SMYD3: variants seen among roughly 807,000 people sequenced by gnomAD.
SMYD3 encodes the protein histone-lysine N-methyltransferase SMYD3.
Under a neutral mutation model 57.7 loss-of-function variants are expected in SMYD3, and 36 were observed. That is an observed-to-expected ratio of 0.62 (90% CI 0.48 to 0.82). The LOEUF (loss-of-function observed/expected upper bound fraction) is 0.82, where lower values mean the gene tolerates loss of function less well. Among genes scored for constraint, SMYD3 ranks in the 40% least tolerant of loss-of-function variants. SMYD3 has a pLI of 0.00. For synonymous variants in SMYD3, 211 were observed against 195.0 expected (o/e 1.08, Z -0.68); for missense variants, 515 against 538.8 (o/e 0.96, Z 0.44).
intron 5 of SMYD3, among the ~76,000 whole-genome samples, chr1:246,065,108 C>CGG (rs1413933173): frequency 6.6e-5 from 10 of 152,254 alleles, no homozygotes; most frequent in African/African-American, 2.4e-4. Flanking sequence ...GAACACTGTC[C>CGG]CATTGTTTAG....
intron 5 of SMYD3, among the ~76,000 whole-genome samples, chr1:246,207,864 T>C (rs996535058): frequency 1.4e-5 from 2 of 147,706 alleles, no homozygotes; most frequent in African/African-American, 5.1e-5. Flanking sequence ...TTCACAGGAA[T>C]CACATTAATA....
At chr1:246,410,059 G>A (rs1482804372) in intron 1 of SMYD3, among the ~76,000 whole-genome samples, 1 of 151,942 alleles carries the variant, frequency 6.6e-6, no homozygotes, top group Non-Finnish European at 1.5e-5. Context: ...ATCAGCTTAA[G>A]GAGATTTTGG....
At chr1:246,470,883 T>C (rs991053716) in intron 1 of SMYD3, among the ~76,000 whole-genome samples, 3 of 152,160 alleles carry the variant, frequency 2.0e-5, no homozygotes, top group East Asian at 3.8e-4. Flanking sequence ...TATAAGAGAA[T>C]ATCCTTGTTC....
At chr1:245,977,977 G>T (rs187096946) in intron 5 of SMYD3, among the ~76,000 whole-genome samples, 1 of 152,226 alleles carries the variant, frequency 6.6e-6, no homozygotes, top group Non-Finnish European at 1.5e-5. Flanking sequence ...GCATATGGAG[G>T]CTAAGCCCCT....
At chr1:246,241,702 A>G (rs1347217179) in intron 5 of SMYD3, among the ~76,000 whole-genome samples, 4 of 151,384 alleles carry the variant, frequency 2.6e-5, no homozygotes, top group Admixed American at 2.0e-4. Flanking sequence ...GGTAGAATTC[A>G]GCTGTGAATC....
intron 5 of SMYD3, among the ~76,000 whole-genome samples, chr1:246,314,641 G>C (rs1388741301): frequency 1.3e-5 from 2 of 152,106 alleles, no homozygotes; most frequent in East Asian, 3.9e-4. Flanking sequence ...GAAAGTATGG[G>C]CCAAAAAATG....
At chr1:246,409,025 G>GT (rs11284988) in intron 1 of SMYD3, among the ~76,000 whole-genome samples, 6 of 151,450 alleles carry the variant, frequency 4.0e-5, no homozygotes, top group Middle Eastern at 3.4e-3. Flanking sequence ...TTTTTGATGG[G>GT]TTTTTTTTTC....
chr1:245,817,750 G>A (rs985489500), intron 10 of SMYD3, among the ~76,000 whole-genome samples: 8 of 152,168 alleles, frequency 5.3e-5, no homozygotes, highest in African/African-American at 1.9e-4. Context: ...TGTGAAGAAT[G>A]CAGAAGCCTC....
chr1:246,100,068 A>C (rs2060981902), intron 5 of SMYD3, among the ~76,000 whole-genome samples: 1 of 152,206 alleles, frequency 6.6e-6, no homozygotes, highest in Non-Finnish European at 1.5e-5. Context: ...TTGGGAAGAC[A>C]GGCATGATGG....
In SMYD3 at chr1:246,499,290, C is replaced by T. The variant is rs533847515; in HGVS notation, c.164+7764G>A. On this transcript the variant is annotated intron_variant, in intron 1 of 11. Transcript: ENST00000490107. ...CTGCACTCCAGCCTGGGCAACAAAG[C>T]GAGACTCTATCTCAAAAAAAGAAAA... Among the ~76,000 whole-genome samples, 6 of 151,290 alleles carry T rather than the reference C, an allele frequency of 4.0e-5. No individual in the cohort carries two copies. In the South Asian group the frequency reaches 1.3e-3, roughly 32 times the overall value.
rs181946167 is a variant in SMYD3, at chr1:246,477,445, C to T, written c.164+29609G>A. ...GAAAACCTAGAGAAACTACCTGAGA[C>T]AAGTTTAGAAGGGAAATATCATTTA... On this transcript the variant is annotated intron_variant, in intron 1 of 11. Coordinates refer to ENST00000490107, the MANE Select transcript of SMYD3 (RefSeq NM_001167740.2). Among the ~76,000 whole-genome samples the T allele has an allele frequency of 3.9e-5, 6 of 152,234 alleles. No homozygotes were observed. In the East Asian group the frequency reaches 9.7e-4, roughly 24 times the overall value.
At chr1:245,954,272 GT>G (rs563971752) in intron 5 of SMYD3, among the ~76,000 whole-genome samples, 75 of 152,332 alleles carry the variant, frequency 4.9e-4, no homozygotes, top group Non-Finnish European at 7.6e-4. Flanking sequence ...TTGGTAGCTA[GT>G]TTCCTGAGTC....
At chr1:245,908,708 C>A (rs1257836430) in intron 8 of SMYD3, among the ~76,000 whole-genome samples, 1 of 152,182 alleles carries the variant, frequency 6.6e-6, no homozygotes, top group Non-Finnish European at 1.5e-5. Flanking sequence ...GAAAATTAAA[C>A]ATGCTTCTTG....
chr1:245,804,483 G>A (rs1267005092), intron 10 of SMYD3, among the ~76,000 whole-genome samples: 1 of 152,080 alleles, frequency 6.6e-6, no homozygotes. Flanking sequence ...GCATGGACCT[G>A]GGAGGCGGAG....
intron 10 of SMYD3, among the ~76,000 whole-genome samples, chr1:245,805,337 G>A (rs2048101224): frequency 6.6e-6 from 1 of 152,174 alleles, no homozygotes; most frequent in Admixed American, 6.5e-5. Flanking sequence ...AATTGCACAA[G>A]CCAAGACCTA....
intron 5 of SMYD3, among the ~76,000 whole-genome samples, chr1:246,321,190 T>C (rs2065241608): frequency 1.3e-5 from 2 of 152,208 alleles, no homozygotes; most frequent in Admixed American, 1.3e-4. Context: ...TGAGCAACCA[T>C]CTGAGACTCT....
chr1:246,382,297 T>G (rs925280631), intron 1 of SMYD3, among the ~76,000 whole-genome samples: 1 of 151,970 alleles, frequency 6.6e-6, no homozygotes, highest in Non-Finnish European at 1.5e-5. Context: ...TCCAGCCCCA[T>G]GTCAGCCGCT....
At chr1:245,930,880 T>C (rs189215033) in intron 5 of SMYD3, 6 of 152,266 alleles carry the variant, frequency 3.9e-5, no homozygotes, top group East Asian at 3.9e-4. Flanking sequence ...GAAAGCTCTT[T>C]AGGATGAGTT....
intron 5 of SMYD3, among the ~76,000 whole-genome samples, chr1:246,124,378 T>G (rs2061473629): frequency 6.6e-6 from 1 of 152,202 alleles, no homozygotes; most frequent in South Asian, 2.1e-4. Flanking sequence ...GAAAAGTTAC[T>G]TCCAGCAATA....
Sources: gnomAD v4.1 joint callset for allele counts (sites outside exome capture counted in the v4.1 genomes callset) on GRCh38, gnomAD v4.1.1 for gene constraint, MANE v1.5 for transcripts, NCBI Gene and HGNC (gene_info 2026-07-23, HGNC 2026-07-21) for gene names.